The following CEP170 variants were observed in gnomAD, a reference collection of about 807,000 sequenced individuals.
CEP170 encodes centrosomal protein 170, also known as centrosomal protein of 170 kDa.
CEP170 carries 21 observed loss-of-function variants against 151.9 expected under a neutral mutation model. The ratio of observed to expected loss-of-function variants is 0.14; its 90% CI spans 0.10 to 0.20. CEP170 has a LOEUF of 0.20. Among genes scored for constraint, CEP170 ranks in the 10% least tolerant of loss-of-function variants. CEP170 has a pLI of 1.00. For synonymous variants in CEP170, 356 were observed against 648.8 expected, an observed-to-expected ratio of 0.55 and a Z score of 6.86; for missense variants, 964 against 1,892.9, an observed-to-expected ratio of 0.51 and a Z score of 9.11.
At chr1:243,129,693 T>C (rs2054151291) in intron 17 of CEP170, among the ~76,000 whole-genome samples, 1 of 152,108 alleles carries the variant, frequency 6.6e-6, no homozygotes, top group African/African-American at 2.4e-5. Flanking sequence ...TATTCTTTAT[T>C]GAAAACAAAA....
chr1:243,151,120 G>C (rs2057031089), intron 14 of CEP170, among the ~76,000 whole-genome samples: 1 of 152,204 alleles, frequency 6.6e-6, no homozygotes, highest in Non-Finnish European at 1.5e-5. Context: ...TGACTACAAC[G>C]ATGAGTCTAG....
chr1:243,203,744 T>C (rs746874357), intron 4 of CEP170, among the ~76,000 whole-genome samples: 17 of 152,120 alleles, frequency 1.1e-4, no homozygotes, highest in Admixed American at 2.0e-4. Context: ...CCCAAAAATG[T>C]TTCCTTTTCA....
intron 14 of CEP170, among the ~76,000 whole-genome samples, chr1:243,152,646 C>G (rs2148428514): frequency 6.7e-6 from 1 of 149,884 alleles, no homozygotes; most frequent in Admixed American, 6.7e-5. Flanking sequence ...ATTCTCCTGC[C>G]TCAGCCTCCC....
intron 1 of CEP170, among the ~76,000 whole-genome samples, chr1:243,232,582 T>G (rs146182869): frequency 1.3e-5 from 2 of 152,220 alleles, no homozygotes; most frequent in African/African-American, 4.8e-5. Flanking sequence ...GATGAGCTCT[T>G]TGAAGGCAGC....
intron 1 of CEP170, among the ~76,000 whole-genome samples, chr1:243,239,936 T>C (rs2064654512): frequency 6.6e-6 from 1 of 152,210 alleles, no homozygotes; most frequent in Non-Finnish European, 1.5e-5. Flanking sequence ...AGTGGCACAA[T>C]ATAAACTTTT....
At chr1:243,221,032 T>C (rs1453427156) in intron 3 of CEP170, among the ~76,000 whole-genome samples, 1 of 152,166 alleles carries the variant, frequency 6.6e-6, no homozygotes, top group East Asian at 1.9e-4. Flanking sequence ...TTTCTTTTCT[T>C]TTTTTTGAGA....
intron 1 of CEP170, among the ~76,000 whole-genome samples, chr1:243,242,401 G>C (rs1462216780): frequency 6.6e-6 from 1 of 151,814 alleles, no homozygotes; most frequent in Non-Finnish European, 1.5e-5. Context: ...TATATTTTTA[G>C]TAGAGACGGG....
rs778197064 is a variant in CEP170 at position 243,164,736 on chromosome 1, T to C, written c.3224A>G (p.Lys1075Arg). 1 of 1,613,340 alleles carries C rather than the reference T, an allele frequency of 6.2e-7. No homozygotes were observed. Among genetic ancestry groups the C allele is most frequent in the Non-Finnish European group, 8.5e-7 (1 of 1,179,544 alleles). ...HSKLEGSKVT[K>R]SKTSPVVSGS... ...AGATACCACCGGAGAAGTCTTAGAT[T>C]TCGTTACTTTACTTCCTTCCAGTTT... The change falls in exon 13 of 20, where the codon AAA (lysine) becomes AGA (arginine). Residue 1075 changes from lysine (K) to arginine (R), a missense_variant. Coordinates refer to ENST00000366542, the MANE Select transcript of CEP170 (RefSeq NM_014812.3).
chr1:243,142,201 G>T (rs907555772), intron 15 of CEP170, 115 bp downstream of exon 15: 2 of 1,570,294 alleles, frequency 1.3e-6, no homozygotes, highest in East Asian at 2.3e-5. Flanking sequence ...AAAATGCAGA[G>T]CTTCATGCAA....
intron 8 of CEP170, among the ~76,000 whole-genome samples, chr1:243,186,922 A>G (rs2059973698): frequency 6.6e-6 from 1 of 152,256 alleles, no homozygotes; most frequent in African/African-American, 2.4e-5. Flanking sequence ...GATGTTCAGT[A>G]CTTTCAGAAG....
chr1:243,180,051 A>AT (rs1350366478), intron 10 of CEP170, among the ~76,000 whole-genome samples: 4 of 152,212 alleles, frequency 2.6e-5, no homozygotes, highest in Non-Finnish European at 5.9e-5. Flanking sequence ...AACATTTTAA[A>AT]CGTATTTAAT....
chr1:243,195,362 T>C (rs1405620010), intron 7 of CEP170, among the ~76,000 whole-genome samples: 2 of 152,034 alleles, frequency 1.3e-5, no homozygotes, highest in Non-Finnish European at 2.9e-5. Flanking sequence ...TGTAAATAAA[T>C]TGAGGACAAA....
chr1:243,139,448 A>T (rs1352033301), intron 16 of CEP170, among the ~76,000 whole-genome samples: 1 of 152,030 alleles, frequency 6.6e-6, no homozygotes, highest in African/African-American at 2.4e-5. Flanking sequence ...TATATACTGT[A>T]TACTAATCCT....
At chr1:243,228,574 A>C (rs1357058677) in intron 1 of CEP170, among the ~76,000 whole-genome samples, 4 of 152,248 alleles carry the variant, frequency 2.6e-5, no homozygotes. Context: ...GGACGATTTT[A>C]AAACACAACA....
rs775639806 is a variant in CEP170 at position 243,146,462 on chromosome 1, A to G, written c.3912-3999T>C. On this transcript the variant is annotated intron_variant, in intron 14 of 19. Coordinates refer to ENST00000366542, the MANE Select transcript of CEP170 (RefSeq NM_014812.3). ...GTCAAGGATCCTGTATCAGGCCCCA[A>G]AATTTCAAAGGCAGGTATAAAGTAA... Among the ~76,000 whole-genome samples the G allele has an allele frequency of 2.0e-5, 3 of 152,236 alleles. No homozygotes were observed. The East Asian group carries it at 5.8e-4, about 29-fold the overall frequency.
chr1:243,164,916 A>T lies in CEP170; in HGVS notation c.3044T>A (p.Ile1015Lys). Residue 1015 changes from isoleucine to lysine, a missense_variant, in exon 13 of 20, where the codon ATA becomes AAA. Physicochemically the swap from Ile to Lys is moderately radical, Grantham distance 102 (BLOSUM62 -3). Transcript: ENST00000366542. Reference sequence around the variant, plus strand: ...TGTTAAGTCTACTGAGGGCTGTCTTATTCTCCCACTGGACTGAACAAATTT... The same window carrying T: ...TGTTAAGTCTACTGAGGGCTGTCTTTTTCTCCCACTGGACTGAACAAATTT... ...GRKFVQSSGR[I>K]RQPSVDLTDD... 4 of 1,613,856 alleles carry T rather than the reference A, an allele frequency of 2.5e-6. No homozygotes were observed. The highest frequency in any genetic ancestry group is 3.4e-6 in the Non-Finnish European group (4 of 1,179,736).
intron 7 of CEP170, among the ~76,000 whole-genome samples, chr1:243,195,348 T>G (rs950751435): frequency 1.3e-5 from 2 of 152,032 alleles, no homozygotes; most frequent in Non-Finnish European, 2.9e-5. Context: ...TAGAAAAGCA[T>G]AGCTGTAAAT....
At chr1:243,235,279 A>G (rs897698731) in intron 1 of CEP170, among the ~76,000 whole-genome samples, 2 of 152,212 alleles carry the variant, frequency 1.3e-5, no homozygotes, top group Non-Finnish European at 2.9e-5. Flanking sequence ...GGTCTACGGA[A>G]ATATCTTTGA....
chr1:243,160,468 T>G (rs1272144428), intron 13 of CEP170, among the ~76,000 whole-genome samples: 1 of 152,182 alleles, frequency 6.6e-6, no homozygotes, highest in African/African-American at 2.4e-5. Flanking sequence ...AGTACTAAAC[T>G]ACTATATTCA....
Sources: allele counts gnomAD v4.1 joint callset (sites outside exome capture counted in the v4.1 genomes callset), GRCh38; gene constraint gnomAD v4.1.1; transcripts MANE v1.5; gene names NCBI Gene and HGNC (gene_info 2026-07-23, HGNC 2026-07-21).